Variants in ARHGAP25 observed in about 807,000 individuals in gnomAD.
ARHGAP25 encodes the protein rho GTPase-activating protein 25.
A neutral mutation model predicts 71.0 loss-of-function variants in ARHGAP25; 34 were observed. The ratio of observed to expected loss-of-function variants is 0.48; its 90% CI spans 0.36 to 0.64. ARHGAP25 has a LOEUF of 0.64. ARHGAP25 is among the 30% of genes least tolerant of loss of function. The pLI is 0.00. For missense variants in ARHGAP25, 706 were observed against 805.1 expected, an observed-to-expected ratio of 0.88 and a Z score of 1.49; for synonymous variants, 282 against 296.5, an observed-to-expected ratio of 0.95 and a Z score of 0.50.
chr2:68,732,331 GT>G (rs1158622217), upstream of ARHGAP25, among the ~76,000 whole-genome samples: 3 of 152,172 alleles, frequency 2.0e-5, no homozygotes, highest in Non-Finnish European at 4.4e-5. Flanking sequence ...TTCCCTGCGT[GT>G]TTCTTAATGA....
At chr2:68,804,662 C>T (rs1424107522) in intron 4 of ARHGAP25, among the ~76,000 whole-genome samples, 1 of 152,202 alleles carries the variant, frequency 6.6e-6, no homozygotes, top group African/African-American at 2.4e-5. Flanking sequence ...TCTGTACAAC[C>T]CATTCCATGG....
At chr2:68,766,591 C>G (rs1028421937) in intron 1 of ARHGAP25, among the ~76,000 whole-genome samples, 1 of 152,118 alleles carries the variant, frequency 6.6e-6, no homozygotes, top group African/African-American at 2.4e-5. Flanking sequence ...TGGAGAGGCA[C>G]CCTAGGTGAA....
At chr2:68,777,250 G>A (rs942210804) in intron 2 of ARHGAP25, among the ~76,000 whole-genome samples, 13 of 152,210 alleles carry the variant, frequency 8.5e-5, no homozygotes, top group African/African-American at 3.1e-4. Flanking sequence ...GGGCAGCTGA[G>A]TGTGTTTCCA....
In ARHGAP25 at chr2:68,817,875, T is replaced by C; in HGVS notation, c.884T>C (p.Phe295Ser). Residue 295 changes from phenylalanine to serine, a missense_variant and splice_region_variant, in exon 8 of 11, where the codon TTC (phenylalanine) becomes TCC (serine). By Grantham distance (155) the Phe-to-Ser change is radical. Transcript: ENST00000409202. ...TGGGATTTCTTGGCTGTCTGTAGGT[T>C]CCTACATGAAATACAGCTGAACTGT... ...NYSLLSYICR[F>S]LHEIQLNCAV... is the part of the protein sequence containing the mutation. The C allele has an allele frequency of 6.2e-7, 1 of 1,613,984 alleles. No individual in the cohort carries two copies. Among genetic ancestry groups the C allele is most frequent in the Non-Finnish European group, 8.5e-7 (1 of 1,179,880 alleles).
At chr2:68,822,260 G>A (rs1681740539) in intron 9 of ARHGAP25, 80 bp from the exon 10 acceptor site, 2 of 1,393,526 alleles carry the variant, frequency 1.4e-6, no homozygotes, top group Admixed American at 2.3e-5. Flanking sequence ...TTTTGTTTTG[G>A]GGTCTCTAAT....
chr2:68,823,034 A>G (rs934287644), intron 10 of ARHGAP25, among the ~76,000 whole-genome samples, 162 bp downstream of exon 10: 2 of 152,242 alleles, frequency 1.3e-5, no homozygotes, highest in South Asian at 4.1e-4. Flanking sequence ...GAACAATGAG[A>G]TAGCTAAATT....
chr2:68,790,412 G>T (rs771502189), intron 4 of ARHGAP25, among the ~76,000 whole-genome samples: 89 of 152,216 alleles, frequency 5.8e-4, no homozygotes, highest in Non-Finnish European at 5.1e-4. Context: ...TTGTAAGTTA[G>T]GGAATGTTGG....
chr2:68,808,506 G>A (rs1353198627), intron 5 of ARHGAP25, among the ~76,000 whole-genome samples: 1 of 152,102 alleles, frequency 6.6e-6, no homozygotes, highest in Non-Finnish European at 1.5e-5. Context: ...TTGTAGTTTG[G>A]ACAACCATAG....
chr2:68,787,949 C>T lies in ARHGAP25; in HGVS notation c.459C>T (p.Pro153=), dbSNP rs146822446. The T allele has an allele frequency of 7.4e-5, 120 of 1,613,876 alleles. No homozygotes were observed. Among genetic ancestry groups the T allele is most frequent in the Non-Finnish European group, 9.7e-5 (114 of 1,179,862 alleles). Residue 153 remains proline, a synonymous_variant, in exon 4 of 11, where the codon CCC becomes CCT. Coordinates refer to ENST00000409202, the MANE Select transcript of ARHGAP25 (RefSeq NM_001007231.3). The part of the protein sequence containing the change: ...VKFLRRVAGT[P]CGAVFGQRLD... The stretch of plus-strand genomic sequence containing the variant: ...TCCTCAGGAGAGTTGCTGGCACACC[C>T]TGTGGAGGTAAGGACCCCTGCAGGC...
In ARHGAP25 at chr2:68,782,027, C is replaced by T. The variant is rs574082937; in HGVS notation, c.262-206C>T. 3.3e-5 allele frequency among the ~76,000 whole-genome samples: 5 copies of T among 152,266 alleles called. No individual in the cohort carries two copies. The South Asian group carries it at 1.0e-3, about 32-fold the overall frequency. On this transcript the variant is annotated intron_variant, in intron 2 of 10. Transcript: ENST00000409202. ...CAGAACCTTGTCTTTCTCTGGGCACCTGATTTGCTCTGGAATAGCTGCCCT... is the reference window on the plus strand; with the variant it reads ...CAGAACCTTGTCTTTCTCTGGGCACTTGATTTGCTCTGGAATAGCTGCCCT...
At chr2:68,775,491 C>G (rs1465116049) in intron 2 of ARHGAP25, 71 bp downstream of exon 2, 10 of 1,606,042 alleles carry the variant, frequency 6.2e-6, no homozygotes, top group Admixed American at 1.7e-5. Context: ...TGGGATTTCA[C>G]TTAAACTCAC....
intron 4 of ARHGAP25, among the ~76,000 whole-genome samples, chr2:68,795,823 G>A (rs1434029502): frequency 3.3e-5 from 5 of 152,148 alleles, no homozygotes; most frequent in Non-Finnish European, 5.9e-5. Flanking sequence ...TTTATTTTCT[G>A]TCTAGATGAT....
chr2:68,773,961 C>G (rs549302193), intron 1 of ARHGAP25, among the ~76,000 whole-genome samples: 1 of 152,256 alleles, frequency 6.6e-6, no homozygotes, highest in East Asian at 1.9e-4. Context: ...AGCCGAGGCT[C>G]AGAGAAGCAT....
At chr2:68,789,674 A>G (rs145282001) in intron 4 of ARHGAP25, among the ~76,000 whole-genome samples, 101 of 152,316 alleles carry the variant, frequency 6.6e-4, no homozygotes, top group African/African-American at 2.3e-3. Context: ...GCTTTAAGCT[A>G]TCTGCATAGA....
At chr2:68,814,613 T>C (rs1158257907) in intron 6 of ARHGAP25, among the ~76,000 whole-genome samples, 4 of 152,206 alleles carry the variant, frequency 2.6e-5, no homozygotes, top group Admixed American at 2.6e-4. Flanking sequence ...TCAAAATTTA[T>C]TAGATAGTCT....
chr2:68,771,788 C>T (rs1471412789), intron 1 of ARHGAP25, among the ~76,000 whole-genome samples: 1 of 152,174 alleles, frequency 6.6e-6, no homozygotes, highest in Non-Finnish European at 1.5e-5. Context: ...GCCCAGTGCT[C>T]ATAGTTACAC....
chr2:68,721,677 C>G (rs1310567750), intron 2 of ARHGAP25, among the ~76,000 whole-genome samples: 1 of 152,216 alleles, frequency 6.6e-6, no homozygotes, highest in Non-Finnish European at 1.5e-5. Flanking sequence ...CTGGCAGCAC[C>G]CTGCTGAGCA....
chr2:68,755,009 A>C (rs1050571934), intron 1 of ARHGAP25, among the ~76,000 whole-genome samples: 1 of 151,922 alleles, frequency 6.6e-6, no homozygotes, highest in Admixed American at 6.5e-5. Flanking sequence ...TTTGCTTTTC[A>C]TTCTCTTAGT....
chr2:68,821,354 C>T (rs2103717156), intron 9 of ARHGAP25, among the ~76,000 whole-genome samples: 1 of 152,274 alleles, frequency 6.6e-6, no homozygotes, highest in South Asian at 2.1e-4. Context: ...CCCTCCTCAG[C>T]CTCCCAAAGT....
Sources: allele counts gnomAD v4.1 joint callset (sites outside exome capture counted in the v4.1 genomes callset), GRCh38; gene constraint gnomAD v4.1.1; transcripts MANE v1.5; gene names NCBI Gene and HGNC (gene_info 2026-07-23, HGNC 2026-07-21).